Variants in CORO2B observed in about 807,000 individuals in gnomAD.
CORO2B encodes coronin 2B, also known as coronin-2B.
CORO2B carries 26 observed loss-of-function variants against 58.8 expected under a neutral mutation model. The observed-to-expected ratio is 0.44, with a 90% CI of 0.32 to 0.61. The LOEUF is 0.61. Among genes scored for constraint, CORO2B ranks in the 20% least tolerant of loss-of-function variants. The pLI, the probability that CORO2B is intolerant of heterozygous loss-of-function variation, is 0.04. For missense variants in CORO2B, 460 were observed against 645.1 expected (o/e 0.71, Z 3.11); for synonymous variants, 242 against 253.8 (o/e 0.95, Z 0.44).
chr15:68,651,494 C>A (rs1437573838), intron 2 of CORO2B, among the ~76,000 whole-genome samples: 1 of 152,202 alleles, frequency 6.6e-6, no homozygotes, highest in African/African-American at 2.4e-5. Flanking sequence ...AAAACAGTTT[C>A]CTGTATTCAA....
the CORO2B span, among the ~76,000 whole-genome samples, chr15:68,568,865 A>G: frequency 1.5e-4 from 23 of 152,182 alleles, no homozygotes; most frequent in Admixed American, 1.5e-3. Flanking sequence ...AAGACTAGCT[A>G]ATGCATACGG....
upstream of CORO2B, among the ~76,000 whole-genome samples, chr15:68,575,291 G>A (rs1187999790): frequency 6.6e-6 from 1 of 151,968 alleles, no homozygotes; most frequent in Non-Finnish European, 1.5e-5. Context: ...GGGGAACTGA[G>A]CCTCACTCCT....
At chr15:68,607,292 G>A (rs1900148727) in intron 1 of CORO2B, among the ~76,000 whole-genome samples, 1 of 150,984 alleles carries the variant, frequency 6.6e-6, no homozygotes, top group African/African-American at 2.4e-5. Flanking sequence ...ACTGTTGACT[G>A]GAGCATCTAC....
chr15:68,595,288 G>A (rs1302746161), intron 1 of CORO2B, among the ~76,000 whole-genome samples: 2 of 152,234 alleles, frequency 1.3e-5, no homozygotes, highest in Admixed American at 6.5e-5. Context: ...GCTAAGCCCT[G>A]CTGTCCTGTG....
intron 2 of CORO2B, among the ~76,000 whole-genome samples, chr15:68,664,412 C>A (rs759259226): frequency 1.1e-4 from 16 of 152,254 alleles, no homozygotes; most frequent in Non-Finnish European, 2.2e-4. Context: ...CTTTGGGAGG[C>A]CAAGACAGGC....
chr15:68,604,364 TG>T (rs1900055933), intron 1 of CORO2B, among the ~76,000 whole-genome samples: 1 of 152,088 alleles, frequency 6.6e-6, no homozygotes, highest in Non-Finnish European at 1.5e-5. Context: ...GCAGAACAAG[TG>T]TGTTCCTGAA....
rs1893292210 is a variant in CORO2B, at chr15:68,726,081, G to A, written c.*107G>A. 6.8e-7 allele frequency: 1 copy of A among 1,472,662 alleles called. No homozygotes were observed. The highest frequency in any genetic ancestry group is 9.1e-7 in the Non-Finnish European group (1 of 1,094,950). 91.2% of individuals were successfully genotyped at this position (1,472,662 alleles called of 1,614,324 possible). A position where few individuals can be genotyped will look rare whatever the true frequency, so the allele number is the denominator to read the frequency against. Reference sequence around the variant, plus strand: ...GAGACAGAGCCAGGACAGGAGTGGGGGCCAGCCTGAGGACCCCCGCCTACC... The same window carrying A: ...GAGACAGAGCCAGGACAGGAGTGGGAGCCAGCCTGAGGACCCCCGCCTACC... On this transcript the variant is annotated 3_prime_UTR_variant, in exon 12 of 12. Coordinates refer to ENST00000261861, the MANE Select transcript of CORO2B (RefSeq NM_006091.5).
chr15:68,605,029 G>A (rs757208908), intron 1 of CORO2B, among the ~76,000 whole-genome samples: 18 of 151,806 alleles, frequency 1.2e-4, no homozygotes, highest in East Asian at 1.9e-4. Context: ...CAGGAGAATC[G>A]CTTGAACCTG....
chr15:68,641,868 T>C (rs1901256012), intron 1 of CORO2B, among the ~76,000 whole-genome samples: 1 of 151,902 alleles, frequency 6.6e-6, no homozygotes, highest in African/African-American at 2.4e-5. Flanking sequence ...AGACTATAGG[T>C]GTGTACCACT....
intron 1 of CORO2B, among the ~76,000 whole-genome samples, chr15:68,612,667 T>C (rs1409441761): frequency 2.0e-5 from 3 of 152,220 alleles, no homozygotes; most frequent in Non-Finnish European, 2.9e-5. Context: ...CACCTTGGTC[T>C]GCTGATGATA....
At chr15:68,692,018 A>G (rs1035502168) in intron 2 of CORO2B, among the ~76,000 whole-genome samples, 7 of 152,268 alleles carry the variant, frequency 4.6e-5, no homozygotes, top group Non-Finnish European at 7.3e-5. Flanking sequence ...CTGTGGAAGC[A>G]GATGATGCAG....
In CORO2B at chr15:68,605,117, GA is replaced by G. The variant is rs141021846; in HGVS notation, c.15+25855del. On this transcript the variant is annotated intron_variant, in intron 1 of 11. Coordinates refer to ENST00000261861, the MANE Select transcript of CORO2B (RefSeq NM_006091.5). ...CAACAGAGCGAGACTCCGTCTCAAG[GA>G]AAAAAAAAAAAAAAGAAGTTTTGAA... Among the ~76,000 whole-genome samples the G allele has an allele frequency of 4.4e-3, 553 of 124,306 alleles. 1 individual carries two copies. The highest frequency in any genetic ancestry group is 0.025 in the Middle Eastern group (6 of 240). The allele number at this position is 124,306 out of a possible 152,430, so 81.5% of individuals were successfully genotyped here.
At chr15:68,713,642 C>T (rs1892968267) in intron 5 of CORO2B, among the ~76,000 whole-genome samples, 1 of 152,154 alleles carries the variant, frequency 6.6e-6, no homozygotes, top group South Asian at 2.1e-4. Flanking sequence ...CAGTCTCTGC[C>T]TCCAGGGTCA....
the CORO2B span, among the ~76,000 whole-genome samples, chr15:68,554,078 A>ACT: frequency 1.4e-4 from 21 of 152,192 alleles, no homozygotes; most frequent in Non-Finnish European, 1.5e-5. Context: ...GACAGGTTGG[A>ACT]GAGGCGGTGA....
intron 9 of CORO2B, 114 bp from the exon 10 acceptor site, chr15:68,719,030 A>G (rs1423660400): frequency 2.1e-6 from 2 of 941,042 alleles, no homozygotes. Context: ...GCAAAGGCAT[A>G]GAGGCAGGAG....
intron 1 of CORO2B, among the ~76,000 whole-genome samples, chr15:68,643,992 G>A (rs1350611605): frequency 1.3e-5 from 2 of 152,014 alleles, no homozygotes; most frequent in Non-Finnish European, 2.9e-5. Flanking sequence ...AGCCGAGATC[G>A]CACCATTGCA....
At chr15:68,583,550 T>G (rs1343337843) in intron 1 of CORO2B, among the ~76,000 whole-genome samples, 1 of 152,176 alleles carries the variant, frequency 6.6e-6, no homozygotes, top group African/African-American at 2.4e-5. Flanking sequence ...GATTTCCCTC[T>G]GTGGGACACC....
At chr15:68,714,875 G>A (rs982543144) in intron 7 of CORO2B, among the ~76,000 whole-genome samples, 3 of 152,156 alleles carry the variant, frequency 2.0e-5, no homozygotes, top group African/African-American at 4.8e-5. Flanking sequence ...GAGCTGGAGC[G>A]GGCTTTTACA....
At position 68,695,371 on chromosome 15, in the gene CORO2B, T is replaced by C. The variant is rs996922632; in HGVS notation, c.333+115T>C. 9.2e-6 allele frequency: 7 copies of C among 764,066 alleles called. No individual in the cohort carries two copies. The African/African-American group carries it at 1.2e-4, about 13-fold the overall frequency. 47.3% of individuals were successfully genotyped at this position (764,066 alleles called of 1,614,324 possible). A position where few individuals can be genotyped will look rare whatever the true frequency, so the allele number is the denominator to read the frequency against. On this transcript the variant is annotated intron_variant, in intron 3 of 11. Coordinates refer to ENST00000261861, the MANE Select transcript of CORO2B (RefSeq NM_006091.5). ...CCCTTTGCCCTTCTTCCCTCCTCTT[T>C]GTCATCTTTCCAGCAAGCCCCACGA...
Sources: gnomAD v4.1 joint callset for allele counts (sites outside exome capture counted in the v4.1 genomes callset) on GRCh38, gnomAD v4.1.1 for gene constraint, MANE v1.5 for transcripts, NCBI Gene and HGNC (gene_info 2026-07-23, HGNC 2026-07-21) for gene names.